Variants in MARCHF1 observed in about 807,000 individuals in gnomAD.
MARCHF1 encodes the protein E3 ubiquitin-protein ligase MARCHF1.
Under a neutral mutation model 54.2 loss-of-function variants are expected in MARCHF1, and 40 were observed. The ratio of observed to expected loss-of-function variants is 0.74; its 90% confidence interval spans 0.57 to 0.96. The LOEUF (loss-of-function observed/expected upper bound fraction) is 0.96. Among genes scored for constraint, MARCHF1 ranks in the 40% least tolerant of loss-of-function variants. The pLI, the probability that MARCHF1 is intolerant of heterozygous loss-of-function variation, is 0.00. For missense variants in MARCHF1, 586 were observed against 656.5 expected, an observed-to-expected ratio of 0.89 and a Z score of 1.17; for synonymous variants, 236 against 236.3, an observed-to-expected ratio of 1.00 and a Z score of 0.01.
intron 3 of MARCHF1, among the ~76,000 whole-genome samples, chr4:163,900,776 G>C (rs561462541): frequency 5.3e-5 from 8 of 152,156 alleles, no homozygotes; most frequent in Non-Finnish European, 2.9e-5. Flanking sequence ...TGGTATTGTG[G>C]TAGGTACTGA....
intron 1 of MARCHF1, among the ~76,000 whole-genome samples, chr4:164,247,997 C>T (rs1733007209): frequency 6.6e-6 from 1 of 151,568 alleles, no homozygotes. Context: ...TCTCATAATA[C>T]TCCACACTTA....
intron 1 of MARCHF1, among the ~76,000 whole-genome samples, chr4:164,252,763 T>G (rs1265791075): frequency 6.6e-6 from 1 of 152,022 alleles, no homozygotes; most frequent in Non-Finnish European, 1.5e-5. Context: ...AATATAAAAA[T>G]CTAACAATAA....
intron 2 of MARCHF1, among the ~76,000 whole-genome samples, chr4:164,069,877 A>T (rs1472254859): frequency 6.6e-6 from 1 of 152,228 alleles, no homozygotes; most frequent in African/African-American, 2.4e-5. Context: ...GTGCCCTATC[A>T]ATGGTATATT....
intron 1 of MARCHF1, among the ~76,000 whole-genome samples, chr4:164,163,288 C>G (rs1370789488): frequency 2.0e-5 from 3 of 151,590 alleles, no homozygotes; most frequent in African/African-American, 7.3e-5. Context: ...TAAGATAAAA[C>G]TAAAATACAA....
In MARCHF1 at chr4:163,639,009, T is replaced by C. The variant is rs533951745; in HGVS notation, c.163-25616A>G. Among the ~76,000 whole-genome samples the C allele has an allele frequency of 9.2e-5, 14 of 152,162 alleles. No homozygotes were observed. In the East Asian group the frequency reaches 2.5e-3, roughly 27 times the overall value. On this transcript the variant is annotated intron_variant, in intron 5 of 9. Coordinates refer to ENST00000514618, the MANE Select transcript of MARCHF1 (RefSeq NM_001394959.1). The stretch of plus-strand genomic sequence containing the variant: ...TCACCAAATTTATATATAGAGAAAA[T>C]AATAGTTCCCAGAGACTGGAGGGCA...
intron 2 of MARCHF1, among the ~76,000 whole-genome samples, chr4:164,069,533 G>A (rs1036009302): frequency 5.9e-5 from 9 of 151,842 alleles, no homozygotes; most frequent in South Asian, 4.2e-4. Flanking sequence ...CAGACACGCC[G>A]CCTTAAGAGC....
intron 1 of MARCHF1, among the ~76,000 whole-genome samples, chr4:164,255,966 A>G (rs970619425): frequency 6.6e-6 from 1 of 151,960 alleles, no homozygotes; most frequent in South Asian, 2.1e-4. Flanking sequence ...ATAAAACCTG[A>G]CCATCTAGTA....
chr4:164,360,669 T>C (rs1429430474), intron 1 of MARCHF1, among the ~76,000 whole-genome samples: 1 of 152,072 alleles, frequency 6.6e-6, no homozygotes, highest in African/African-American at 2.4e-5. Flanking sequence ...AGATTCTTAC[T>C]CAGGTGATCC....
chr4:163,732,159 T>C (rs546813139), intron 4 of MARCHF1, among the ~76,000 whole-genome samples: 1 of 151,518 alleles, frequency 6.6e-6, no homozygotes, highest in Non-Finnish European at 1.5e-5. Flanking sequence ...TGATTAGTTA[T>C]TAATCATATA....
intron 1 of MARCHF1, among the ~76,000 whole-genome samples, chr4:164,229,277 A>G (rs1181518543): frequency 6.6e-6 from 1 of 152,190 alleles, no homozygotes; most frequent in Non-Finnish European, 1.5e-5. Flanking sequence ...TTGCAATTTC[A>G]GACGCGAGGT....
At chr4:164,316,055 A>G (rs4622958) in intron 1 of MARCHF1, among the ~76,000 whole-genome samples, 103,342 of 151,868 alleles carry the variant, frequency 0.68, 35,430 homozygotes, top group Admixed American at 0.74. Context: ...TACTCCTCTC[A>G]ATGGGTTATT....
At chr4:163,701,737 GA>G (rs1189104388) in intron 4 of MARCHF1, among the ~76,000 whole-genome samples, 2 of 152,128 alleles carry the variant, frequency 1.3e-5, no homozygotes, top group Non-Finnish European at 2.9e-5. Context: ...CTTCTGTAGA[GA>G]AAATGTTGTT....
intron 5 of MARCHF1, among the ~76,000 whole-genome samples, chr4:163,680,984 A>C (rs1195562891): frequency 2.7e-5 from 4 of 150,146 alleles, no homozygotes; most frequent in Non-Finnish European, 5.9e-5. Context: ...CTAATAATAT[A>C]TGTAATACAT....
chr4:163,830,400 A>G (rs1483865187), intron 4 of MARCHF1, among the ~76,000 whole-genome samples: 1 of 152,078 alleles, frequency 6.6e-6, no homozygotes, highest in Non-Finnish European at 1.5e-5. Flanking sequence ...AAAGGAGGCA[A>G]CTCTCTACCT....
intron 3 of MARCHF1, among the ~76,000 whole-genome samples, chr4:163,917,730 T>A (rs997598667): frequency 3.9e-5 from 6 of 152,144 alleles, no homozygotes; most frequent in Non-Finnish European, 7.4e-5. Context: ...CACCTAGGTG[T>A]TAAGACCCCA....
intron 4 of MARCHF1, among the ~76,000 whole-genome samples, chr4:163,828,054 C>CACACACACACACACACACACAG (rs774603753): frequency 6.7e-6 from 1 of 148,204 alleles, no homozygotes; most frequent in Non-Finnish European, 1.5e-5. Context: ...CACACACACA[C>CACACACACACACACACACACAG]AGACACACCT....
At chr4:163,874,364 T>C (rs1377812539) in intron 3 of MARCHF1, among the ~76,000 whole-genome samples, 1 of 151,964 alleles carries the variant, frequency 6.6e-6, no homozygotes, top group South Asian at 2.1e-4. Flanking sequence ...TTCCAGCATG[T>C]AGCCGTTCAA....
chr4:164,237,369 A>G (rs1043170921), intron 1 of MARCHF1, among the ~76,000 whole-genome samples: 1 of 152,058 alleles, frequency 6.6e-6, no homozygotes, highest in Non-Finnish European at 1.5e-5. Flanking sequence ...CATTCTGTGT[A>G]TCATGCTTTT....
chr4:163,880,432 A>G (rs1283847331), intron 3 of MARCHF1, among the ~76,000 whole-genome samples: 2 of 150,832 alleles, frequency 1.3e-5, no homozygotes, highest in East Asian at 1.9e-4. Context: ...TATAAATATA[A>G]TTTTTATTAT....
Sources: gnomAD v4.1 joint callset for allele counts (sites outside exome capture counted in the v4.1 genomes callset) on GRCh38, gnomAD v4.1.1 for gene constraint, MANE v1.5 for transcripts, NCBI Gene and HGNC (gene_info 2026-07-23, HGNC 2026-07-21) for gene names.